The following PITPNC1 variants were observed in gnomAD, a reference collection of about 807,000 sequenced individuals.
PITPNC1 encodes the protein phosphatidylinositol transfer protein cytoplasmic 1.
In PITPNC1, 18 loss-of-function variants were observed where a neutral mutation model predicts 44.7. The ratio of observed to expected loss-of-function variants is 0.40; its 90% CI spans 0.28 to 0.60. PITPNC1 has a LOEUF of 0.60. Ranked by LOEUF, PITPNC1 falls within the 20% of genes least tolerant of loss-of-function variation. PITPNC1 has a pLI of 0.39. For synonymous variants in PITPNC1, 141 were observed against 149.6 expected (o/e 0.94, Z 0.42); for missense variants, 290 against 418.4 (o/e 0.69, Z 2.68).
At chr17:67,436,721 A>G (rs879319751) in intron 1 of PITPNC1, among the ~76,000 whole-genome samples, 1 of 151,902 alleles carries the variant, frequency 6.6e-6, no homozygotes, top group Non-Finnish European at 1.5e-5. Flanking sequence ...GACCAGGGAA[A>G]ACCCAAGGGT....
Position 67,554,956 on chromosome 17 carries a change from T to G in PITPNC1, c.294+1339T>G, listed in dbSNP as rs1040098897. On this transcript the variant is annotated intron_variant, in intron 4 of 8. Coordinates refer to ENST00000581322, the MANE Select transcript of PITPNC1 (RefSeq NM_012417.4). ...ATTCAGAGATTTTCATAACATTAAA[T>G]TTATTTCATCCAAAGTACTGTTGGT... 2.6e-5 allele frequency among the ~76,000 whole-genome samples: 4 copies of G among 152,236 alleles called. No individual in the cohort carries two copies. In the South Asian group the frequency reaches 6.2e-4, roughly 24 times the overall value.
intron 1 of PITPNC1, among the ~76,000 whole-genome samples, chr17:67,500,088 ATCT>A (rs1239531751): frequency 1.3e-5 from 2 of 152,312 alleles, no homozygotes; most frequent in Middle Eastern, 3.4e-3. Context: ...TTCTCAGCTT[ATCT>A]TCTTCTGATG....
intron 1 of PITPNC1, among the ~76,000 whole-genome samples, chr17:67,408,046 C>T (rs1388690869): frequency 6.6e-6 from 1 of 151,826 alleles, no homozygotes; most frequent in East Asian, 2.0e-4. Flanking sequence ...ACCTCCGCCT[C>T]CCCAGTTCAA....
intron 5 of PITPNC1, among the ~76,000 whole-genome samples, chr17:67,594,899 AG>A (rs1310367294): frequency 6.6e-6 from 1 of 152,230 alleles, no homozygotes; most frequent in African/African-American, 2.4e-5. Flanking sequence ...AAGCCTGAAA[AG>A]TGCACAGAAT....
At chr17:67,494,014 C>T (rs1341440951) in intron 1 of PITPNC1, among the ~76,000 whole-genome samples, 1 of 152,160 alleles carries the variant, frequency 6.6e-6, no homozygotes, top group African/African-American at 2.4e-5. Context: ...AGGGATAGAG[C>T]ATGAATAAAA....
At chr17:67,484,352 G>C (rs2039747274) in intron 1 of PITPNC1, among the ~76,000 whole-genome samples, 1 of 152,120 alleles carries the variant, frequency 6.6e-6, no homozygotes, top group South Asian at 2.1e-4. Flanking sequence ...ATCATTTATA[G>C]CCAACTTTTT....
intron 8 of PITPNC1, among the ~76,000 whole-genome samples, chr17:67,682,818 C>T (rs2042735620): frequency 6.6e-6 from 1 of 152,134 alleles, no homozygotes; most frequent in African/African-American, 2.4e-5. Flanking sequence ...AAGTGAAGGG[C>T]TGACTGTTTA....
At chr17:67,464,313 A>C (rs1479767131) in intron 1 of PITPNC1, among the ~76,000 whole-genome samples, 1 of 152,160 alleles carries the variant, frequency 6.6e-6, no homozygotes, top group Non-Finnish European at 1.5e-5. Context: ...TCTAAGTGAG[A>C]TGTAAGATCT....
intron 4 of PITPNC1, among the ~76,000 whole-genome samples, chr17:67,556,493 G>T (rs2144179228): frequency 6.6e-6 from 1 of 152,294 alleles, no homozygotes; most frequent in Middle Eastern, 3.4e-3. Context: ...AGAGATGGTG[G>T]TGTGGAAGAA....
At chr17:67,576,448 A>G (rs1350367332) in intron 4 of PITPNC1, among the ~76,000 whole-genome samples, 1 of 152,314 alleles carries the variant, frequency 6.6e-6, no homozygotes, top group South Asian at 2.1e-4. Context: ...TATAGACAGT[A>G]TGTGAGTACT....
chr17:67,479,410 C>T (rs2039674525), intron 1 of PITPNC1, among the ~76,000 whole-genome samples: 1 of 152,130 alleles, frequency 6.6e-6, no homozygotes, highest in Non-Finnish European at 1.5e-5. Flanking sequence ...AAAGGAAGTG[C>T]CAAAGTTGTC....
chr17:67,683,059 C>T (rs2537841), intron 8 of PITPNC1, among the ~76,000 whole-genome samples: 1 of 148,132 alleles, frequency 6.8e-6, no homozygotes, highest in African/African-American at 2.5e-5. Flanking sequence ...ACTTGGGAGG[C>T]TAAGGCAGGA....
At chr17:67,427,291 A>G (rs368765319) in intron 1 of PITPNC1, among the ~76,000 whole-genome samples, 59 of 151,856 alleles carry the variant, frequency 3.9e-4, no homozygotes, top group African/African-American at 1.4e-3. Context: ...GCTCACTGCA[A>G]CCTCCACCTC....
chr17:67,583,607 A>C (rs2041265155), intron 5 of PITPNC1, among the ~76,000 whole-genome samples: 1 of 139,440 alleles, frequency 7.2e-6, no homozygotes, highest in Non-Finnish European at 1.6e-5. Context: ...AAAAAAAATC[A>C]CCTGGGAAGA....
At chr17:67,419,401 C>A (rs1002234916) in intron 1 of PITPNC1, among the ~76,000 whole-genome samples, 1 of 152,132 alleles carries the variant, frequency 6.6e-6, no homozygotes, top group Non-Finnish European at 1.5e-5. Context: ...AACATCATTT[C>A]AAGTTGCAGT....
rs996819597 is a variant in PITPNC1 at position 67,694,729 on chromosome 17, G to C, written c.*1841G>C. On this transcript the variant is annotated 3_prime_UTR_variant, in exon 9 of 9. Transcript: ENST00000581322. The stretch of plus-strand genomic sequence containing the variant: ...AGTATCTTAGTAAGACACCTTCTAT[G>C]CATGGTATGGAAGCATGATTTTTGC... 3.3e-5 allele frequency: 5 copies of C among 152,130 alleles called. No individual in the cohort carries two copies. The highest frequency in any genetic ancestry group is 1.3e-4 in the Admixed American group (2 of 15,270). 9.4% of individuals were successfully genotyped at this position (152,130 alleles called of 1,614,324 possible). A position where few individuals can be genotyped will look rare whatever the true frequency, so the allele number is the denominator to read the frequency against.
At chr17:67,601,632 A>T (rs1222975306) in intron 5 of PITPNC1, among the ~76,000 whole-genome samples, 1 of 152,018 alleles carries the variant, frequency 6.6e-6, no homozygotes, top group South Asian at 2.1e-4. Context: ...GTGCGTGCCT[A>T]TAGTCCCAGC....
chr17:67,570,199 C>T lies in PITPNC1; in HGVS notation c.295-7987C>T, dbSNP rs374921414. Among the ~76,000 whole-genome samples the T allele has an allele frequency of 2.6e-4, 39 of 152,286 alleles. No homozygotes were observed. In the South Asian group the frequency reaches 7.1e-3, roughly 28 times the overall value. ...TAGATCTAGGAAAGAAAAGAGTTCACGGAGATCCTGGTAGAGTTTTTGTTC... is the reference window on the plus strand; with the variant it reads ...TAGATCTAGGAAAGAAAAGAGTTCATGGAGATCCTGGTAGAGTTTTTGTTC... On this transcript the variant is annotated intron_variant, in intron 4 of 8. Transcript: ENST00000581322.
intron 5 of PITPNC1, among the ~76,000 whole-genome samples, chr17:67,580,932 G>A (rs2041223158): frequency 6.6e-6 from 1 of 152,176 alleles, no homozygotes; most frequent in African/African-American, 2.4e-5. Context: ...ACCTGTGGTT[G>A]CAGCTACCTG....
Sources: allele counts gnomAD v4.1 joint callset (sites outside exome capture counted in the v4.1 genomes callset), GRCh38; gene constraint gnomAD v4.1.1; transcripts MANE v1.5; gene names NCBI Gene and HGNC (gene_info 2026-07-23, HGNC 2026-07-21).